The following CSMD3 variants were observed in gnomAD, a reference collection of about 807,000 sequenced individuals.
CSMD3 encodes the protein CUB and Sushi multiple domains 3.
CSMD3 carries 177 observed loss-of-function variants against 435.2 expected under a neutral mutation model. The ratio of observed to expected loss-of-function variants is 0.41; its 90% CI spans 0.36 to 0.46. The LOEUF (loss-of-function observed/expected upper bound fraction) is 0.46. CSMD3 is among the 20% of genes least tolerant of loss of function. The probability of loss-of-function intolerance (pLI) is 0.34; values close to 1 mark genes in which losing one functional copy is unlikely to be tolerated. For missense variants in CSMD3, 4,265 were observed against 4,504.6 expected (o/e 0.95, Z 1.52); for synonymous variants, 1,656 against 1,520.5 (o/e 1.09, Z -2.07).
chr8:113,267,849 G>C (rs531248288), intron 3 of CSMD3, among the ~76,000 whole-genome samples: 1 of 151,550 alleles, frequency 6.6e-6, no homozygotes, highest in South Asian at 2.1e-4. Context: ...TATACAAAAA[G>C]ACTATAATTT....
chr8:112,522,811 A>G (rs1052488087), intron 27 of CSMD3, among the ~76,000 whole-genome samples: 1 of 151,914 alleles, frequency 6.6e-6, no homozygotes, highest in African/African-American at 2.4e-5. Context: ...TGCTACTGTC[A>G]ATATACTTCT....
chr8:112,311,279 T>C (rs1563773159), intron 49 of CSMD3, 113 bp from the exon 50 acceptor site: 8 of 821,846 alleles, frequency 9.7e-6, no homozygotes, highest in South Asian at 7.2e-5. Context: ...TGGTCATCTA[T>C]GTAAATTTTA....
intron 20 of CSMD3, among the ~76,000 whole-genome samples, chr8:112,640,610 C>G (rs936446136): frequency 6.7e-6 from 1 of 150,296 alleles, no homozygotes; most frequent in Non-Finnish European, 1.5e-5. Context: ...TTTTTCTCCT[C>G]TCTATAATTG....
intron 10 of CSMD3, among the ~76,000 whole-genome samples, chr8:112,866,424 G>A (rs1185172652): frequency 1.3e-5 from 2 of 152,144 alleles, no homozygotes; most frequent in Non-Finnish European, 2.9e-5. Flanking sequence ...GAAGTTGATA[G>A]AGCCTGAAAG....
intron 1 of CSMD3, among the ~76,000 whole-genome samples, chr8:113,396,699 C>A (rs2094485091): frequency 6.6e-6 from 1 of 151,976 alleles, no homozygotes; most frequent in Non-Finnish European, 1.5e-5. Context: ...AGTAGAATAT[C>A]CAAAGAAATA....
intron 24 of CSMD3, among the ~76,000 whole-genome samples, chr8:112,560,118 T>C (rs1471906079): frequency 6.6e-6 from 1 of 151,762 alleles, no homozygotes; most frequent in Non-Finnish European, 1.5e-5. Context: ...CTTTCTAGAT[T>C]GTCACAACAT....
chr8:112,537,865 C>T (rs1465756973), intron 27 of CSMD3, among the ~76,000 whole-genome samples: 1 of 151,968 alleles, frequency 6.6e-6, no homozygotes, highest in African/African-American at 2.4e-5. Flanking sequence ...AGTACCCTTC[C>T]AAACTCATTC....
chr8:113,419,180 G>A (rs1414583553), intron 1 of CSMD3, among the ~76,000 whole-genome samples: 1 of 148,342 alleles, frequency 6.7e-6, no homozygotes, highest in Non-Finnish European at 1.5e-5. Context: ...GTGCAGTGGC[G>A]TGATCTTGGC....
chr8:112,577,261 G>C (rs10110760), intron 23 of CSMD3, among the ~76,000 whole-genome samples: 60,837 of 151,782 alleles, frequency 0.4, 13,190 homozygotes, highest in East Asian at 0.58. Flanking sequence ...AAACATAAAG[G>C]CAACAAAGGG....
At chr8:113,355,749 T>TATAC (rs1357514892) in intron 1 of CSMD3, among the ~76,000 whole-genome samples, 156 of 81,304 alleles carry the variant, frequency 1.9e-3, no homozygotes, top group African/African-American at 8.0e-3. Flanking sequence ...TATATATATA[T>TATAC]ACACACACAC....
In CSMD3 at chr8:112,403,301, G is replaced by A. The variant is rs542708737; in HGVS notation, c.5809+3223C>T. Among the ~76,000 whole-genome samples, 5 of 152,236 alleles carry A rather than the reference G, an allele frequency of 3.3e-5. No homozygotes were observed. In the South Asian group the frequency reaches 8.3e-4, roughly 25 times the overall value. ...TTACTATGCTCTGCCACTTTAAAGAGAACTATTTTACCTCTTTCAGACTCA... is the reference window on the plus strand; with the variant it reads ...TTACTATGCTCTGCCACTTTAAAGAAAACTATTTTACCTCTTTCAGACTCA... On this transcript the variant is annotated intron_variant, in intron 35 of 70. Transcript: ENST00000297405.
At chr8:112,276,421 G>A (rs1312910234) in intron 59 of CSMD3, among the ~76,000 whole-genome samples, 4 of 152,200 alleles carry the variant, frequency 2.6e-5, no homozygotes, top group Non-Finnish European at 5.9e-5. Context: ...CCACTAGGCA[G>A]TGCCTCAGTG....
intron 27 of CSMD3, among the ~76,000 whole-genome samples, chr8:112,532,583 C>G (rs930886001): frequency 1.3e-5 from 2 of 151,820 alleles, no homozygotes; most frequent in African/African-American, 4.8e-5. Context: ...AATTTCTAAC[C>G]AAGAATATAG....
At chr8:113,217,784 G>A (rs2092922296) in intron 3 of CSMD3, among the ~76,000 whole-genome samples, 1 of 151,042 alleles carries the variant, frequency 6.6e-6, no homozygotes, top group Admixed American at 6.6e-5. Flanking sequence ...AAAATGGAAT[G>A]AAAAAACATA....
At chr8:112,393,996 G>A (rs574436557) in intron 35 of CSMD3, among the ~76,000 whole-genome samples, 55 of 151,880 alleles carry the variant, frequency 3.6e-4, no homozygotes, top group African/African-American at 1.2e-3. Flanking sequence ...ACTACCAGAT[G>A]TTTATCTCTA....
At chr8:112,327,984 GACAAA>G (rs1823670488) in intron 45 of CSMD3, among the ~76,000 whole-genome samples, 1 of 152,132 alleles carries the variant, frequency 6.6e-6, no homozygotes, top group Admixed American at 6.6e-5. Flanking sequence ...CTTCAAAAAA[GACAAA>G]ACAGAACACT....
intron 35 of CSMD3, among the ~76,000 whole-genome samples, chr8:112,400,279 A>G (rs904270059): frequency 6.6e-6 from 1 of 152,138 alleles, no homozygotes; most frequent in African/African-American, 2.4e-5. Flanking sequence ...CTGTGTCCTC[A>G]CATGGTAGAA....
chr8:113,103,252 C>G (rs757289785), intron 4 of CSMD3, among the ~76,000 whole-genome samples: 1 of 151,960 alleles, frequency 6.6e-6, no homozygotes, highest in Non-Finnish European at 1.5e-5. Flanking sequence ...TGATGGCTTC[C>G]GAATGTGGTT....
rs564792652 is a variant in CSMD3, at chr8:112,511,388, T to C, written c.4757-4559A>G. Reference sequence around the variant, plus strand: ...GTAGCTGTGGCATTTTCTTTTCTTTTTTTTTTTTTTTTTTTTTTTGAGATG... The same window carrying C: ...GTAGCTGTGGCATTTTCTTTTCTTTCTTTTTTTTTTTTTTTTTTTGAGATG... On this transcript the variant is annotated intron_variant, in intron 28 of 70. Transcript: ENST00000297405. 2.0e-4 allele frequency among the ~76,000 whole-genome samples: 22 copies of C among 107,892 alleles called. No individual in the cohort carries two copies. In the South Asian group the frequency reaches 5.7e-3, roughly 28 times the overall value. The allele number at this position is 107,892 out of a possible 152,430, so 70.8% of individuals were successfully genotyped here. A position where few individuals can be genotyped will look rare whatever the true frequency, so the allele number is the denominator to read the frequency against.
Sources: gnomAD v4.1 joint callset for allele counts (sites outside exome capture counted in the v4.1 genomes callset) on GRCh38, gnomAD v4.1.1 for gene constraint, MANE v1.5 for transcripts, NCBI Gene and HGNC (gene_info 2026-07-23, HGNC 2026-07-21) for gene names.